FAM50B: variants seen among roughly 807,000 people sequenced by gnomAD.
The protein encoded by FAM50B is family with sequence similarity 50 member B.
A neutral mutation model predicts 25.4 loss-of-function variants in FAM50B; 9 were observed. That is an observed-to-expected ratio of 0.35 (90% CI 0.21 to 0.62). The LOEUF (loss-of-function observed/expected upper bound fraction) is 0.62. FAM50B is among the 20% of genes least tolerant of loss of function. The pLI is 0.73. For synonymous variants in FAM50B, 212 were observed against 204.3 expected (o/e 1.04, Z -0.32); for missense variants, 372 against 477.9 (o/e 0.78, Z 2.07).
At chr6:3,844,584 G>A (rs192836169), upstream of FAM50B, among the ~76,000 whole-genome samples, 95 of 152,130 alleles carry the variant, frequency 6.2e-4, no homozygotes, top group African/African-American at 2.1e-3. Context: ...GGTGGTGGGC[G>A]CCTGTAATCC....
the FAM50B span, among the ~76,000 whole-genome samples, chr6:3,834,669 T>A: frequency 1.3e-5 from 2 of 152,114 alleles, no homozygotes; most frequent in Non-Finnish European, 1.5e-5. Flanking sequence ...GATGCATATA[T>A]AAGAATGATC....
At chr6:3,832,243 T>G in the FAM50B span, among the ~76,000 whole-genome samples, 1 of 152,198 alleles carries the variant, frequency 6.6e-6, no homozygotes. Flanking sequence ...TAGGAAGACC[T>G]TTTTAGAAGG....
chr6:3,833,086 C>G, the FAM50B span, among the ~76,000 whole-genome samples: 9 of 152,120 alleles, frequency 5.9e-5, no homozygotes, highest in Non-Finnish European at 1.5e-5. Context: ...TCTTGAACTC[C>G]TGACCACAGG....
At chr6:3,839,589 A>C in the FAM50B span, among the ~76,000 whole-genome samples, 1 of 152,224 alleles carries the variant, frequency 6.6e-6, no homozygotes, top group Admixed American at 6.5e-5. Context: ...TGTGTGTGTC[A>C]AAACTCATAG....
At chr6:3,842,918 C>T in the FAM50B span, among the ~76,000 whole-genome samples, 1 of 152,342 alleles carries the variant, frequency 6.6e-6, no homozygotes, top group Middle Eastern at 3.4e-3. Context: ...AAGTTACACA[C>T]ATAGAGATTT....
At chr6:3,848,300 TA>T (rs912397170), upstream of FAM50B, among the ~76,000 whole-genome samples, 11 of 152,050 alleles carry the variant, frequency 7.2e-5, no homozygotes, top group South Asian at 2.1e-4. Context: ...GGCTTTAGAT[TA>T]AAAAAAATGC....
chr6:3,847,633 A>G (rs371907389), upstream of FAM50B, among the ~76,000 whole-genome samples: 37 of 152,332 alleles, frequency 2.4e-4, 1 homozygote, highest in African/African-American at 8.4e-4. Flanking sequence ...CTTATCATTC[A>G]TATGTTTACC....
Position 3,850,242 on chromosome 6 carries a change from A to G in FAM50B, c.431A>G (p.Lys144Arg), listed in dbSNP as rs1313803654. Residue 144 changes from lysine to arginine, a missense_variant, in exon 2 of 2, where the codon AAG (lysine) becomes AGG (arginine). Physicochemically the swap from Lys to Arg is conservative, Grantham distance 26. Transcript: ENST00000648326. The part of the protein sequence containing the change: ...AEARRAGNLG[K>R]NPDVDTSFLP... ...GCCAGGCGCGCCGGAAACCTGGGCA[A>G]GAACCCCGACGTGGACACCAGCTTC... is the stretch of plus-strand genomic sequence containing the variant. 3.7e-6 allele frequency: 6 copies of G among 1,613,164 alleles called. No homozygotes were observed. The Admixed American group carries it at 6.7e-5, about 18-fold the overall frequency.
At chr6:3,848,157 T>C (rs558613498), upstream of FAM50B, among the ~76,000 whole-genome samples, 1 of 152,296 alleles carries the variant, frequency 6.6e-6, no homozygotes, top group East Asian at 1.9e-4. Context: ...GCTGGAAAAA[T>C]GGAGCCAGTA....
chr6:3,844,451 C>T (rs1308400268), upstream of FAM50B, among the ~76,000 whole-genome samples: 1 of 152,166 alleles, frequency 6.6e-6, no homozygotes, highest in African/African-American at 2.4e-5. Flanking sequence ...TGGCTCACGC[C>T]TGTAATCCCA....
At chr6:3,847,884 C>A (rs75548613), upstream of FAM50B, among the ~76,000 whole-genome samples, 2 of 152,192 alleles carry the variant, frequency 1.3e-5, no homozygotes, top group Non-Finnish European at 2.9e-5. Flanking sequence ...TGCTGTGTCT[C>A]AGGCACTAGG....
the FAM50B span, among the ~76,000 whole-genome samples, chr6:3,839,446 C>T: frequency 0.62 from 94,642 of 151,810 alleles, 30,252 homozygotes; most frequent in African/African-American, 0.77. Flanking sequence ...ATCCAAACTA[C>T]AGCGGTGTGG....
upstream of FAM50B, among the ~76,000 whole-genome samples, chr6:3,845,264 G>T (rs974469620): frequency 3.9e-5 from 6 of 152,164 alleles, no homozygotes; most frequent in African/African-American, 1.2e-4. Flanking sequence ...ACTTTTCTGA[G>T]AATTTGAGGC....
rs753713357 is a variant in FAM50B, at chr6:3,849,804, C to A, written c.-8C>A. 1.9e-6 allele frequency: 3 copies of A among 1,596,134 alleles called. No homozygotes were observed. In the African/African-American group the frequency reaches 4.0e-5, roughly 21 times the overall value. On this transcript the variant is annotated 5_prime_UTR_variant, in exon 2 of 2. Transcript: ENST00000648326. ...TTTGCTGCAGAGCCCATCGGGTAGGCGCGGGCCATGGCGCAGTACAAGGGC... is the reference window on the plus strand; with the variant it reads ...TTTGCTGCAGAGCCCATCGGGTAGGAGCGGGCCATGGCGCAGTACAAGGGC...
At chr6:3,836,681 G>A in the FAM50B span, among the ~76,000 whole-genome samples, 1 of 152,190 alleles carries the variant, frequency 6.6e-6, no homozygotes, top group South Asian at 2.1e-4. Flanking sequence ...GGCTTTCTTT[G>A]TATCAGAATG....
rs949274250 is a variant in FAM50B, at chr6:3,849,745, C to A, written c.-23-44C>A. ...CAGAGCTGAGCATTCCCCGCCGTTGCGTGGGCCCCCCTCTACCTGCCGCGT... is the reference window on the plus strand; with the variant it reads ...CAGAGCTGAGCATTCCCCGCCGTTGAGTGGGCCCCCCTCTACCTGCCGCGT... On this transcript the variant is annotated intron_variant, in intron 1 of 1. Coordinates refer to ENST00000648326, the MANE Select transcript of FAM50B (RefSeq NM_012135.3). 471 of 1,508,124 alleles carry A rather than the reference C, an allele frequency of 3.1e-4. 2 individuals are homozygous for A. Among genetic ancestry groups the A allele is most frequent in the Admixed American group, 2.0e-4 (10 of 49,430 alleles). 93.4% of individuals were successfully genotyped at this position (1,508,124 alleles called of 1,614,324 possible). A position where few individuals can be genotyped will look rare whatever the true frequency, so the allele number is the denominator to read the frequency against.
chr6:3,839,938 C>A, the FAM50B span, among the ~76,000 whole-genome samples: 3 of 152,012 alleles, frequency 2.0e-5, no homozygotes, highest in Non-Finnish European at 1.5e-5. Context: ...GAGTTTGAGA[C>A]CAGCCTGGTC....
At chr6:3,846,554 A>C (rs1762125866), upstream of FAM50B, among the ~76,000 whole-genome samples, 1 of 152,226 alleles carries the variant, frequency 6.6e-6, no homozygotes, top group Non-Finnish European at 1.5e-5. Flanking sequence ...CAGTTTCTTA[A>C]ATCAATATTG....
chr6:3,851,272 T>C lies in FAM50B; in HGVS notation c.*483T>C. 1 of 177,448 alleles carries C rather than the reference T, an allele frequency of 5.6e-6. No individual in the cohort carries two copies. Among genetic ancestry groups the C allele is most frequent in the Middle Eastern group, 3.1e-3 (1 of 320 alleles). 11.0% of individuals were successfully genotyped at this position (177,448 alleles called of 1,614,324 possible). ...TTGATGTGAGTATTAAGTGAATTAA[T>C]ATTTGTAAAACGCTTAGCTCTTAAT... On this transcript the variant is annotated 3_prime_UTR_variant, in exon 2 of 2. Coordinates refer to ENST00000648326, the MANE Select transcript of FAM50B (RefSeq NM_012135.3).
Sources: gnomAD v4.1 joint callset for allele counts (sites outside exome capture counted in the v4.1 genomes callset) on GRCh38, gnomAD v4.1.1 for gene constraint, MANE v1.5 for transcripts, NCBI Gene and HGNC (gene_info 2026-07-23, HGNC 2026-07-21) for gene names.